PTPRT: variants seen among roughly 807,000 people sequenced by gnomAD.
The protein encoded by PTPRT is receptor-type tyrosine-protein phosphatase T.
A neutral mutation model predicts 176.8 loss-of-function variants in PTPRT; 56 were observed. The observed-to-expected ratio is 0.32, with a 90% CI of 0.26 to 0.40. PTPRT has a LOEUF of 0.40. Among genes scored for constraint, PTPRT ranks in the 10% least tolerant of loss-of-function variants. The pLI is 1.00. For synonymous variants in PTPRT, 783 were observed against 739.0 expected, an observed-to-expected ratio of 1.06 and a Z score of -0.96; for missense variants, 1,540 against 1,908.2, an observed-to-expected ratio of 0.81 and a Z score of 3.60.
At chr20:42,604,624 T>A (rs2073840370) in intron 7 of PTPRT, among the ~76,000 whole-genome samples, 1 of 152,204 alleles carries the variant, frequency 6.6e-6, no homozygotes, top group African/African-American at 2.4e-5. Flanking sequence ...ATTCTTCTCA[T>A]GCACACATCC....
rs561263262 is a variant in PTPRT, at chr20:43,148,005, A to G, written c.88+41641T>C. On this transcript the variant is annotated intron_variant, in intron 1 of 30. Transcript: ENST00000373187. The stretch of plus-strand genomic sequence containing the variant: ...TGATGAGACTTTAAATCTACCCAAG[A>G]CCTCTTCAAGCAAAGCAAGGGCTCT... 3.6e-4 allele frequency among the ~76,000 whole-genome samples: 55 copies of G among 152,146 alleles called. No homozygotes were observed. The South Asian group carries it at 0.011, about 31-fold the overall frequency.
chr20:42,255,644 G>A (rs73254735), intron 13 of PTPRT, among the ~76,000 whole-genome samples: 2,160 of 152,288 alleles, frequency 0.014, 45 homozygotes, highest in African/African-American at 0.05. Context: ...ACAAGGGACT[G>A]GCAATTAATG....
chr20:43,002,135 C>T (rs1984606266), intron 1 of PTPRT, among the ~76,000 whole-genome samples: 1 of 151,544 alleles, frequency 6.6e-6, no homozygotes, highest in Admixed American at 6.8e-5. Context: ...CTTCCTGCTG[C>T]CTTGTGAAGA....
chr20:43,122,585 C>T (rs76487107), intron 1 of PTPRT, among the ~76,000 whole-genome samples: 5,127 of 152,252 alleles, frequency 0.034, 124 homozygotes, highest in Non-Finnish European at 0.053. Flanking sequence ...CACTTGTTAA[C>T]GAGTGAGTGC....
At chr20:42,568,682 C>A (rs1028990010) in intron 7 of PTPRT, among the ~76,000 whole-genome samples, 2 of 152,002 alleles carry the variant, frequency 1.3e-5, no homozygotes, top group Non-Finnish European at 1.5e-5. Flanking sequence ...CAGAGGTGAC[C>A]CTCCTGGCCT....
chr20:42,718,339 C>CAT (rs764763136), intron 6 of PTPRT, among the ~76,000 whole-genome samples: 150 of 152,230 alleles, frequency 9.9e-4, no homozygotes, highest in Non-Finnish European at 1.1e-3. Flanking sequence ...GGATCAAGAC[C>CAT]ATACTGGCTA....
intron 7 of PTPRT, among the ~76,000 whole-genome samples, chr20:42,638,949 A>G (rs1326751706): frequency 6.6e-6 from 1 of 152,188 alleles, no homozygotes; most frequent in Non-Finnish European, 1.5e-5. Flanking sequence ...AACACTAGAA[A>G]AAAAATCTCT....
chr20:42,964,982 G>C (rs990602577), intron 1 of PTPRT, among the ~76,000 whole-genome samples: 2 of 152,102 alleles, frequency 1.3e-5, no homozygotes, highest in African/African-American at 4.8e-5. Flanking sequence ...TTATTTTAAA[G>C]TGATTCTCTA....
chr20:42,467,176 G>A (rs1167057716), intron 8 of PTPRT, among the ~76,000 whole-genome samples: 1 of 152,176 alleles, frequency 6.6e-6, no homozygotes. Context: ...AAGCACCAAC[G>A]TAATAACTGG....
At chr20:42,453,423 AG>A (rs2145868238) in intron 8 of PTPRT, among the ~76,000 whole-genome samples, 1 of 152,106 alleles carries the variant, frequency 6.6e-6, no homozygotes, top group South Asian at 2.1e-4. Context: ...TGTATTAAAA[AG>A]TTTCTTTTAT....
intron 9 of PTPRT, among the ~76,000 whole-genome samples, chr20:42,427,504 G>T (rs539766603): frequency 1.8e-4 from 25 of 141,264 alleles, no homozygotes; most frequent in South Asian, 2.3e-4. Context: ...GTTCTTCATC[G>T]ATGGCGCCTT....
chr20:42,854,421 G>A (rs947940263), intron 2 of PTPRT, among the ~76,000 whole-genome samples: 1 of 152,142 alleles, frequency 6.6e-6, no homozygotes, highest in Admixed American at 6.5e-5. Context: ...TTTAATCAAG[G>A]ACTGTTTAAC....
At chr20:42,344,799 C>T (rs1254044160) in intron 11 of PTPRT, among the ~76,000 whole-genome samples, 2 of 152,138 alleles carry the variant, frequency 1.3e-5, no homozygotes, top group Non-Finnish European at 2.9e-5. Flanking sequence ...CTGGACCCTG[C>T]CTGCTCCTTT....
intron 10 of PTPRT, among the ~76,000 whole-genome samples, chr20:42,351,827 C>T (rs1024847306): frequency 1.3e-5 from 2 of 152,204 alleles, no homozygotes; most frequent in African/African-American, 4.8e-5. Flanking sequence ...TCTACACACA[C>T]GTGTACTATT....
Position 42,885,793 on chromosome 20 carries a change from G to T in PTPRT, c.214+14C>A. ...CCATCCCCATTACAGCCCCAAACAT[G>T]ATGGATCACATACCTGTGGGCACTG... On this transcript the variant is annotated intron_variant, in intron 2 of 30. Coordinates refer to ENST00000373187, the MANE Select transcript of PTPRT (RefSeq NM_007050.6). 1.3e-6 allele frequency: 2 copies of T among 1,598,888 alleles called. No individual in the cohort carries two copies. Among genetic ancestry groups the T allele is most frequent in the South Asian group, 2.2e-5 (2 of 90,646 alleles).
chr20:42,193,045 C>G (rs144910895), intron 16 of PTPRT, among the ~76,000 whole-genome samples: 3 of 152,152 alleles, frequency 2.0e-5, no homozygotes, highest in African/African-American at 7.2e-5. Flanking sequence ...AGAGAGACCG[C>G]TAAAGGTCAA....
chr20:42,553,857 G>T (rs985009444), intron 7 of PTPRT, among the ~76,000 whole-genome samples: 13 of 152,122 alleles, frequency 8.5e-5, no homozygotes, highest in African/African-American at 3.1e-4. Context: ...GCAGGATGGA[G>T]GGGAAAACTG....
chr20:43,187,439 G>A (rs1487398465), intron 1 of PTPRT, among the ~76,000 whole-genome samples: 1 of 151,716 alleles, frequency 6.6e-6, no homozygotes, highest in East Asian at 1.9e-4. Flanking sequence ...CAGTATTCTT[G>A]TTTTGACAAA....
At chr20:42,495,630 C>G (rs563739220) in intron 7 of PTPRT, among the ~76,000 whole-genome samples, 3 of 152,116 alleles carry the variant, frequency 2.0e-5, no homozygotes, top group Non-Finnish European at 4.4e-5. Context: ...TCTCAGCGCT[C>G]CCTTGAGGAA....
Sources: gnomAD v4.1 joint callset for allele counts (sites outside exome capture counted in the v4.1 genomes callset) on GRCh38, gnomAD v4.1.1 for gene constraint, MANE v1.5 for transcripts, NCBI Gene and HGNC (gene_info 2026-07-23, HGNC 2026-07-21) for gene names.